Variants in PATL1 observed in about 807,000 individuals in gnomAD.
The protein encoded by PATL1 is protein PAT1 homolog 1.
In PATL1, 32 loss-of-function variants were observed where a neutral mutation model predicts 100.6. The ratio of observed to expected loss-of-function variants is 0.32; its 90% CI spans 0.24 to 0.43. The LOEUF is 0.43. PATL1 is among the 20% of genes least tolerant of loss of function. PATL1 has a pLI of 1.00. For synonymous variants in PATL1, 332 were observed against 330.0 expected (o/e 1.01, Z -0.07); for missense variants, 747 against 949.9 (o/e 0.79, Z 2.81).
In PATL1 at chr11:59,658,821, T is replaced by C. The variant is rs752183556; in HGVS notation, c.426+45A>G. The C allele has an allele frequency of 1.2e-5, 18 of 1,453,688 alleles. 1 individual carries two copies. The South Asian group carries it at 2.3e-4, about 19-fold the overall frequency. The allele number at this position is 1,453,688 out of a possible 1,614,324, so 90.0% of individuals were successfully genotyped here. A position where few individuals can be genotyped will look rare whatever the true frequency, so the allele number is the denominator to read the frequency against. Reference sequence around the variant, plus strand: ...AAAGGATGACGACAGGAACTTAAAATTTTTGGATATTATAAATTTTATGTA... The same window carrying C: ...AAAGGATGACGACAGGAACTTAAAACTTTTGGATATTATAAATTTTATGTA... On this transcript the variant is annotated intron_variant, in intron 4 of 18. Transcript: ENST00000300146.
At chr11:59,655,361 A>G (rs1861512715) in intron 8 of PATL1, among the ~76,000 whole-genome samples, 162 bp downstream of exon 8, 1 of 152,220 alleles carries the variant, frequency 6.6e-6, no homozygotes, top group Non-Finnish European at 1.5e-5. Context: ...GATTCACAAG[A>G]AAGCCTGGAG....
Position 59,666,841 on chromosome 11 carries a change from G to A in PATL1, c.127+12C>T, listed in dbSNP as rs1348248901. 7.1e-6 allele frequency: 11 copies of A among 1,546,074 alleles called. No homozygotes were observed. In the South Asian group the frequency reaches 1.3e-4, roughly 19 times the overall value. ...GGCTAAGATGATATTATAAGCGAAA[G>A]ATGTCACTTACCAACTGCACCTGAC... On this transcript the variant is annotated intron_variant, in intron 2 of 18. Coordinates refer to ENST00000300146, the MANE Select transcript of PATL1 (RefSeq NM_152716.3).
intron 15 of PATL1, among the ~76,000 whole-genome samples, chr11:59,647,357 C>T (rs1861379629): frequency 6.6e-6 from 1 of 151,758 alleles, no homozygotes; most frequent in South Asian, 2.1e-4. Context: ...AGCAAAATAA[C>T]CAAGACTATA....
chr11:59,656,083 TA>T, intron 6 of PATL1, 38 bp from the exon 7 acceptor site: 4 of 1,168,334 alleles, frequency 3.4e-6, no homozygotes, highest in Non-Finnish European at 3.5e-6. Flanking sequence ...GAATATGCTA[TA>T]AAACAGGGGG....
intron 14 of PATL1, among the ~76,000 whole-genome samples, chr11:59,649,007 T>C (rs1026376784): frequency 7.9e-5 from 12 of 152,220 alleles, no homozygotes; most frequent in Admixed American, 7.2e-4. Flanking sequence ...AGGTGAGGGA[T>C]TCCCCATTGG....
At chr11:59,664,336 C>CT (rs1224967283) in intron 2 of PATL1, among the ~76,000 whole-genome samples, 1 of 152,108 alleles carries the variant, frequency 6.6e-6, no homozygotes, top group Non-Finnish European at 1.5e-5. Context: ...AAAGACTGTC[C>CT]ATAGCACTCT....
At chr11:59,658,312 T>A (rs376824232) in intron 4 of PATL1, among the ~76,000 whole-genome samples, 2 of 151,898 alleles carry the variant, frequency 1.3e-5, no homozygotes, top group African/African-American at 4.8e-5. Flanking sequence ...TAGTTTTGCA[T>A]AGAAATGAGT....
At chr11:59,655,091 G>A (rs1187228933) in intron 8 of PATL1, among the ~76,000 whole-genome samples, 1 of 152,096 alleles carries the variant, frequency 6.6e-6, no homozygotes, top group Non-Finnish European at 1.5e-5. Context: ...CTATAATCAC[G>A]AGCCAATTTC....
At chr11:59,662,085 C>T (rs767834146) in intron 2 of PATL1, among the ~76,000 whole-genome samples, 3 of 152,220 alleles carry the variant, frequency 2.0e-5, no homozygotes, top group Admixed American at 6.5e-5. Flanking sequence ...AATCATACAA[C>T]GATGTATCAC....
At chr11:59,652,632 C>T (rs746160055) in intron 10 of PATL1, 45 bp from the exon 11 acceptor site, 20 of 1,600,302 alleles carry the variant, frequency 1.2e-5, no homozygotes, top group East Asian at 8.9e-5. Context: ...GCACAGAACA[C>T]GACTGTTGTT....
Position 59,655,667 on chromosome 11 carries a change from A to C in PATL1, c.887T>G (p.Met296Arg). 1.2e-6 allele frequency: 2 copies of C among 1,605,178 alleles called. No individual in the cohort carries two copies. The highest frequency in any genetic ancestry group is 1.7e-6 in the Non-Finnish European group (2 of 1,175,796). The change falls in exon 8 of 19, where the codon ATG becomes AGG. Residue 296 changes from methionine (M) to arginine (R), a missense_variant. Physicochemically the swap from Met to Arg is moderately conservative, Grantham distance 91. Transcript: ENST00000300146. ...TCGCCCTTGTAGCAACTTGGGATTC[A>C]TGGCAGCAAGTGGACTACCAACAAA... is the stretch of plus-strand genomic sequence containing the variant. ...PGFVGSPLAAMNPKLLQGRVG... is the reference protein window; with the variant it reads ...PGFVGSPLAARNPKLLQGRVG...
chr11:59,643,783 TAGATTTTTAG>T (rs1201358669), intron 15 of PATL1, among the ~76,000 whole-genome samples: 3 of 152,210 alleles, frequency 2.0e-5, no homozygotes, highest in Non-Finnish European at 4.4e-5. Context: ...CCAATTTTTA[TAGATTTTTAG>T]AGAATCTATA....
Position 59,649,499 on chromosome 11 carries a change from A to G in PATL1, c.1696T>C (p.Tyr566His), listed in dbSNP as rs1320196190. ...GGCAATTTCCCCCTTAAGTTGTCAT[A>G]CATGCTACAAATTTTGTGCTTTCTG... Reference protein sequence around the residue: ...DDRKHKICSMYDNLRGKLPGQ... With the variant: ...DDRKHKICSMHDNLRGKLPGQ... The change falls in exon 14 of 19, where the codon TAT (tyrosine) becomes CAT (histidine). Residue 566 changes from tyrosine to histidine, a missense_variant. Around this residue, in one of 4 missense-constraint regions of PATL1, gnomAD observed 434 missense variants for 596.1 expected, o/e 0.73. Coordinates refer to ENST00000300146, the MANE Select transcript of PATL1 (RefSeq NM_152716.3). 1 of 1,613,816 alleles carries G rather than the reference A, an allele frequency of 6.2e-7. No individual in the cohort carries two copies. Among genetic ancestry groups the G allele is most frequent in the Non-Finnish European group, 8.5e-7 (1 of 1,179,884 alleles).
At chr11:59,652,266 A>T (rs1023807679) in intron 11 of PATL1, among the ~76,000 whole-genome samples, 198 bp downstream of exon 11, 4 of 152,070 alleles carry the variant, frequency 2.6e-5, no homozygotes, top group Admixed American at 2.6e-4. Flanking sequence ...AAAAGGACCT[A>T]AAAAGGCACA....
intron 16 of PATL1, among the ~76,000 whole-genome samples, chr11:59,641,178 A>C (rs1251394442): frequency 1.3e-5 from 2 of 151,200 alleles, no homozygotes; most frequent in Non-Finnish European, 2.9e-5. Flanking sequence ...CTCAAAAAAA[A>C]AAAAGTCAAT....
At position 59,659,237 on chromosome 11, in the gene PATL1, C is replaced by G. The variant is rs12280000; in HGVS notation, c.345+15G>C. ...TTAGTCTGCTATAGTTCTCAAATCA[C>G]AGTAACTTACTTACTTGTAAAACTG... On this transcript the variant is annotated intron_variant, in intron 3 of 18. Coordinates refer to ENST00000300146, the MANE Select transcript of PATL1 (RefSeq NM_152716.3). 1 of 1,548,360 alleles carries G rather than the reference C, an allele frequency of 6.5e-7. No homozygotes were observed. The highest frequency in any genetic ancestry group is 1.2e-5 in the South Asian group (1 of 83,942).
intron 2 of PATL1, among the ~76,000 whole-genome samples, chr11:59,666,650 T>C (rs2134765080): frequency 6.6e-6 from 1 of 152,286 alleles, no homozygotes; most frequent in East Asian, 1.9e-4. Flanking sequence ...CCTGATTTTA[T>C]AGGTAAGGCA....
chr11:59,638,691 T>C (rs1317805915), intron 18 of PATL1, among the ~76,000 whole-genome samples: 2 of 151,848 alleles, frequency 1.3e-5, no homozygotes, highest in Non-Finnish European at 2.9e-5. Context: ...TTTTTATTTA[T>C]TTTTTTTGAG....
intron 14 of PATL1, 28 bp downstream of exon 14, chr11:59,649,434 T>C (rs765931700): frequency 1.2e-6 from 2 of 1,609,330 alleles, no homozygotes; most frequent in South Asian, 2.2e-5. Context: ...GTCCAGTTAA[T>C]GTTTTCCTCA....
Sources: gnomAD v4.1 joint callset for allele counts (sites outside exome capture counted in the v4.1 genomes callset) on GRCh38, gnomAD v4.1.1 for gene constraint, gnomAD v4.1.1 regional missense constraint, MANE v1.5 for transcripts, NCBI Gene and HGNC (gene_info 2026-07-23, HGNC 2026-07-21) for gene names.